Variants in NEK10 observed in about 807,000 individuals in gnomAD.
NEK10 encodes the protein NIMA related kinase 10, also known as serine/threonine-protein kinase Nek10.
NEK10 carries 122 observed loss-of-function variants against 159.8 expected under a neutral mutation model. That is an observed-to-expected ratio of 0.76 (90% CI 0.66 to 0.89). NEK10 has a LOEUF of 0.89. Among genes scored for constraint, NEK10 ranks in the 40% least tolerant of loss-of-function variants. The probability of loss-of-function intolerance (pLI) is 0.00; values close to 1 mark genes in which losing one functional copy is unlikely to be tolerated. For missense variants in NEK10, 1,342 were observed against 1,323.1 expected, an observed-to-expected ratio of 1.01 and a Z score of -0.22; for synonymous variants, 466 against 457.1, an observed-to-expected ratio of 1.02 and a Z score of -0.25.
rs1341231699 is a variant in NEK10, at chr3:27,143,398, A to C, written c.2870-1816T>G. 8.3e-6 allele frequency: 6 copies of C among 727,166 alleles called. No homozygotes were observed. The Admixed American group carries it at 1.2e-4, about 15-fold the overall frequency. The allele number at this position is 727,166 out of a possible 1,614,324, so 45.0% of individuals were successfully genotyped here. A position where few individuals can be genotyped will look rare whatever the true frequency, so the allele number is the denominator to read the frequency against. ...TCACAACATGGCAAAGAGTTCTTAGATCTGTGATGACATTTTGAATGGGAT... is the reference window on the plus strand; with the variant it reads ...TCACAACATGGCAAAGAGTTCTTAGCTCTGTGATGACATTTTGAATGGGAT... On this transcript the variant is annotated intron_variant, in intron 30 of 35. Coordinates refer to ENST00000691995, the MANE Select transcript of NEK10 (RefSeq NM_001394966.1).
intron 34 of NEK10, 21 bp downstream of exon 34, chr3:27,116,052 CAG>C: frequency 6.2e-7 from 1 of 1,613,038 alleles, no homozygotes; most frequent in Non-Finnish European, 8.5e-7. Flanking sequence ...TAAAATCATT[CAG>C]AGACACTGCA....
At chr3:27,113,237 C>G (rs1442711164) in intron 35 of NEK10, among the ~76,000 whole-genome samples, 3 of 151,830 alleles carry the variant, frequency 2.0e-5, no homozygotes, top group Non-Finnish European at 4.4e-5. Context: ...TCAAGATCAG[C>G]CTGGCCAACA....
intron 1 of NEK10, among the ~76,000 whole-genome samples, chr3:27,368,575 G>A (rs990952801): frequency 1.3e-5 from 2 of 152,180 alleles, no homozygotes; most frequent in African/African-American, 4.8e-5. Flanking sequence ...GTCGTCTAGA[G>A]TGTAGTTTTT....
At chr3:27,122,970 G>A (rs1335335936) in intron 32 of NEK10, among the ~76,000 whole-genome samples, 2 of 152,116 alleles carry the variant, frequency 1.3e-5, no homozygotes, top group Non-Finnish European at 2.9e-5. Flanking sequence ...CACGGATGAA[G>A]GCAAGGACTA....
intron 30 of NEK10, among the ~76,000 whole-genome samples, chr3:27,160,462 A>AT (rs1368720744): frequency 6.6e-6 from 1 of 152,228 alleles, no homozygotes; most frequent in Non-Finnish European, 1.5e-5. Context: ...AAACCTTCAT[A>AT]TGAAGGTTGA....
At chr3:27,285,270 G>A (rs906661929) in intron 20 of NEK10, among the ~76,000 whole-genome samples, 1 of 152,078 alleles carries the variant, frequency 6.6e-6, no homozygotes, top group Non-Finnish European at 1.5e-5. Flanking sequence ...GTGCCACAGA[G>A]AACAAGTAAA....
intron 30 of NEK10, among the ~76,000 whole-genome samples, chr3:27,155,333 C>T (rs1945292152): frequency 6.6e-6 from 1 of 151,816 alleles, no homozygotes; most frequent in Admixed American, 6.6e-5. Flanking sequence ...GAAACCCTGT[C>T]TCTACTAAAA....
At chr3:27,118,671 T>A (rs1940852553) in intron 33 of NEK10, among the ~76,000 whole-genome samples, 1 of 152,236 alleles carries the variant, frequency 6.6e-6, no homozygotes, top group Non-Finnish European at 1.5e-5. Context: ...ATCAAAGTTC[T>A]TCATTTCATC....
intron 25 of NEK10, chr3:27,194,699 T>C (rs1949417205): frequency 6.6e-6 from 1 of 152,160 alleles, no homozygotes. Context: ...AAGTATTAAC[T>C]TTGTTAGTCC....
At chr3:27,193,103 C>A (rs906528091) in intron 25 of NEK10, among the ~76,000 whole-genome samples, 1 of 152,196 alleles carries the variant, frequency 6.6e-6, no homozygotes, top group African/African-American at 2.4e-5. Flanking sequence ...AGTGCACATG[C>A]ATTGTAAAAT....
At chr3:27,162,489 A>AG (rs774709014) in intron 30 of NEK10, 32 of 1,614,052 alleles carry the variant, frequency 2.0e-5, no homozygotes, top group Non-Finnish European at 2.6e-5. Flanking sequence ...GAAGAATCAC[A>AG]GCAGGAAGGC....
In NEK10 at chr3:27,170,719, T is replaced by C. The variant is rs561761037; in HGVS notation, c.2831+1100A>G. Among the ~76,000 whole-genome samples the C allele has an allele frequency of 2.0e-3, 300 of 152,248 alleles. 2 individuals carry two copies. Among genetic ancestry groups the C allele is most frequent in the African/African-American group, 6.9e-3 (285 of 41,548 alleles). On this transcript the variant is annotated intron_variant, in intron 29 of 35. Coordinates refer to ENST00000691995, the MANE Select transcript of NEK10 (RefSeq NM_001394966.1). ...CAGCCTGGGTGACAGAGCAAGATTCTATCTCAACAATAATAATAATAATAT... is the reference window on the plus strand; with the variant it reads ...CAGCCTGGGTGACAGAGCAAGATTCCATCTCAACAATAATAATAATAATAT...
intron 23 of NEK10, chr3:27,252,131 A>C (rs905819561): frequency 2.7e-6 from 1 of 366,056 alleles, no homozygotes; most frequent in Admixed American, 2.8e-5. Context: ...TGGTGAACAA[A>C]GGAGACGCAA....
chr3:27,149,088 A>G (rs1303519498), intron 30 of NEK10, among the ~76,000 whole-genome samples: 2 of 150,556 alleles, frequency 1.3e-5, no homozygotes, highest in African/African-American at 2.4e-5. Flanking sequence ...ATATATGTAT[A>G]TATTTTAATA....
chr3:27,172,348 A>C (rs1259437784), intron 28 of NEK10, among the ~76,000 whole-genome samples: 1 of 151,268 alleles, frequency 6.6e-6, no homozygotes, highest in Non-Finnish European at 1.5e-5. Flanking sequence ...AAAAAAAAAA[A>C]AAAAAAAAAA....
At chr3:27,349,626 T>TA (rs1019885986) in intron 3 of NEK10, among the ~76,000 whole-genome samples, 2 of 152,208 alleles carry the variant, frequency 1.3e-5, no homozygotes, top group African/African-American at 4.8e-5. Flanking sequence ...CATCTTTTTT[T>TA]AAAATTCCAA....
intron 16 of NEK10, among the ~76,000 whole-genome samples, chr3:27,292,901 G>A (rs549558454): frequency 1.1e-4 from 17 of 152,152 alleles, no homozygotes; most frequent in Admixed American, 5.2e-4. Context: ...GAAAAGTGAC[G>A]CTCCATGCTT....
chr3:27,157,656 T>C (rs1400557844), intron 30 of NEK10, among the ~76,000 whole-genome samples: 3 of 152,172 alleles, frequency 2.0e-5, no homozygotes, highest in East Asian at 3.9e-4. Flanking sequence ...TAAATTTAGT[T>C]CATAAAGCAG....
At chr3:27,333,433 C>T (rs1176264891) in intron 5 of NEK10, among the ~76,000 whole-genome samples, 1 of 151,634 alleles carries the variant, frequency 6.6e-6, no homozygotes, top group East Asian at 1.9e-4. Flanking sequence ...GTAATCCTAG[C>T]TATTTGTGAG....
Sources: gnomAD v4.1 joint callset for allele counts (sites outside exome capture counted in the v4.1 genomes callset) on GRCh38, gnomAD v4.1.1 for gene constraint, MANE v1.5 for transcripts, NCBI Gene and HGNC (gene_info 2026-07-23, HGNC 2026-07-21) for gene names.